Variants in NDUFS4 observed in about 807,000 individuals in gnomAD.
NDUFS4 encodes NADH:ubiquinone oxidoreductase subunit S4.
Under a neutral mutation model 24.3 loss-of-function variants are expected in NDUFS4, and 28 were observed. That is an observed-to-expected ratio of 1.15 (90% confidence interval 0.85 to 1.58). NDUFS4 has a LOEUF of 1.58. Among genes scored for constraint, NDUFS4 ranks in the 40% most tolerant of loss-of-function variants. NDUFS4 has a pLI of 0.00. For missense variants in NDUFS4, 223 were observed against 207.9 expected (o/e 1.07, Z -0.45); for synonymous variants, 93 against 69.7 (o/e 1.34, Z -1.67).
chr5:53,566,629 C>T (rs747623061), intron 1 of NDUFS4, among the ~76,000 whole-genome samples: 3 of 152,104 alleles, frequency 2.0e-5, no homozygotes, highest in Non-Finnish European at 4.4e-5. Flanking sequence ...CCAAAATCCA[C>T]GGATGCTCAA....
intron 1 of NDUFS4, among the ~76,000 whole-genome samples, chr5:53,576,878 ATTTC>A (rs1749404975): frequency 1.3e-5 from 2 of 152,268 alleles, no homozygotes; most frequent in South Asian, 4.1e-4. Context: ...AAATATTTGT[ATTTC>A]TTTTCTAGCT....
chr5:53,584,871 G>A (rs775285587), intron 1 of NDUFS4, among the ~76,000 whole-genome samples: 7 of 151,990 alleles, frequency 4.6e-5, no homozygotes, highest in Non-Finnish European at 8.8e-5. Context: ...GGGTTCAAGT[G>A]ATTCCTGTGC....
chr5:53,622,895 TCC>T (rs1029710018), intron 2 of NDUFS4, among the ~76,000 whole-genome samples: 2 of 152,208 alleles, frequency 1.3e-5, no homozygotes, highest in Non-Finnish European at 2.9e-5. Context: ...CTTTATGCTC[TCC>T]CCTGTTCCTC....
chr5:53,612,746 G>A (rs527448708), intron 2 of NDUFS4, among the ~76,000 whole-genome samples: 15 of 152,208 alleles, frequency 9.9e-5, no homozygotes, highest in Admixed American at 3.3e-4. Flanking sequence ...ATGCTCAGCC[G>A]ATGAGGTTTT....
chr5:53,667,316 T>C (rs112274278), intron 4 of NDUFS4, among the ~76,000 whole-genome samples: 67 of 151,962 alleles, frequency 4.4e-4, no homozygotes, highest in African/African-American at 1.4e-3. Flanking sequence ...AAATACAAAA[T>C]TAGCCGGGCA....
chr5:53,605,582 T>C (rs1252993691), intron 2 of NDUFS4, among the ~76,000 whole-genome samples: 1 of 152,176 alleles, frequency 6.6e-6, no homozygotes, highest in East Asian at 1.9e-4. Context: ...ACCTAGATTT[T>C]CCCCAGCTTT....
intron 2 of NDUFS4, among the ~76,000 whole-genome samples, chr5:53,633,781 T>C (rs1447458995): frequency 6.6e-6 from 1 of 152,216 alleles, no homozygotes; most frequent in East Asian, 1.9e-4. Flanking sequence ...AGTAAGGCAA[T>C]TGTAAAAAGA....
At chr5:53,661,663 C>T (rs376686136) in intron 4 of NDUFS4, among the ~76,000 whole-genome samples, 3 of 152,100 alleles carry the variant, frequency 2.0e-5, no homozygotes, top group Admixed American at 1.3e-4. Context: ...TGTTTGTATC[C>T]GCTTTTATTT....
chr5:53,643,912 G>A (rs764064465), intron 2 of NDUFS4, among the ~76,000 whole-genome samples: 1 of 151,992 alleles, frequency 6.6e-6, no homozygotes, highest in Admixed American at 6.6e-5. Flanking sequence ...TTTAAATTAG[G>A]GTAAGATACC....
intron 1 of NDUFS4, among the ~76,000 whole-genome samples, chr5:53,577,850 A>G (rs1305155026): frequency 2.2e-4 from 33 of 152,164 alleles, no homozygotes; most frequent in Admixed American, 2.2e-3. Flanking sequence ...AGGGTAGTTG[A>G]CCCGGGATTG....
intron 4 of NDUFS4, among the ~76,000 whole-genome samples, chr5:53,664,563 T>C (rs1189038206): frequency 3.3e-5 from 5 of 152,178 alleles, no homozygotes; most frequent in Admixed American, 2.0e-4. Context: ...CTTCTCTTCT[T>C]GCTTCATTTC....
intron 1 of NDUFS4, among the ~76,000 whole-genome samples, chr5:53,590,875 T>G (rs552131057): frequency 6.6e-6 from 1 of 152,316 alleles, no homozygotes; most frequent in South Asian, 2.1e-4. Context: ...CCATCATATA[T>G]CTCCAGAACT....
At chr5:53,581,191 A>G (rs112050198) in intron 1 of NDUFS4, among the ~76,000 whole-genome samples, 64 of 152,264 alleles carry the variant, frequency 4.2e-4, no homozygotes, top group African/African-American at 1.3e-3. Context: ...CTAAGCCAGA[A>G]ACCTGTGTAT....
chr5:53,679,592 G>A (rs1264475297), intron 4 of NDUFS4, among the ~76,000 whole-genome samples: 2 of 152,176 alleles, frequency 1.3e-5, no homozygotes, highest in African/African-American at 4.8e-5. Context: ...AACCAGAATA[G>A]ATATTAGAAC....
chr5:53,648,329 A>G (rs542340650), intron 3 of NDUFS4, among the ~76,000 whole-genome samples: 1 of 152,296 alleles, frequency 6.6e-6, no homozygotes, highest in Non-Finnish European at 1.5e-5. Context: ...ATTGTTAGAA[A>G]GGGGAACTAC....
chr5:53,652,749 A>C (rs890568270), intron 3 of NDUFS4, among the ~76,000 whole-genome samples: 1 of 152,158 alleles, frequency 6.6e-6, no homozygotes, highest in Admixed American at 6.5e-5. Flanking sequence ...TAAATGTTAG[A>C]ACTCAAAGGT....
chr5:53,574,832 A>G (rs191095528), intron 1 of NDUFS4, among the ~76,000 whole-genome samples: 2 of 150,380 alleles, frequency 1.3e-5, no homozygotes, highest in East Asian at 1.9e-4. Flanking sequence ...TCCTTTATCA[A>G]TGTCCATCCA....
chr5:53,594,660 T>A (rs1451827551), intron 1 of NDUFS4, among the ~76,000 whole-genome samples: 1 of 152,138 alleles, frequency 6.6e-6, no homozygotes, highest in African/African-American at 2.4e-5. Flanking sequence ...TTTTATCTAC[T>A]ATATGTTTTA....
intron 4 of NDUFS4, among the ~76,000 whole-genome samples, chr5:53,682,420 T>G (rs574825410): frequency 5.3e-5 from 8 of 152,108 alleles, no homozygotes; most frequent in African/African-American, 1.7e-4. Flanking sequence ...AAAGTGTAGT[T>G]TCCTGGGCCC....
Sources: gnomAD v4.1 joint callset for allele counts (sites outside exome capture counted in the v4.1 genomes callset) on GRCh38, gnomAD v4.1.1 for gene constraint, MANE v1.5 for transcripts, NCBI Gene and HGNC (gene_info 2026-07-23, HGNC 2026-07-21) for gene names.